The following DENND2A variants were observed in gnomAD, a reference collection of about 807,000 sequenced individuals.
DENND2A encodes the protein DENN domain containing 2A.
Under a neutral mutation model 105.3 loss-of-function variants are expected in DENND2A, and 53 were observed. The ratio of observed to expected loss-of-function variants is 0.50; its 90% confidence interval spans 0.40 to 0.63. The LOEUF is 0.63. Among genes scored for constraint, DENND2A ranks in the 30% least tolerant of loss-of-function variants. The pLI, the probability that DENND2A is intolerant of heterozygous loss-of-function variation, is 0.00. For synonymous variants in DENND2A, 522 were observed against 508.4 expected, an observed-to-expected ratio of 1.03 and a Z score of -0.36; for missense variants, 1,138 against 1,279.6, an observed-to-expected ratio of 0.89 and a Z score of 1.69.
At chr7:140,591,907 T>G (rs1423387978) in intron 3 of DENND2A, among the ~76,000 whole-genome samples, 3 of 102,236 alleles carry the variant, frequency 2.9e-5, no homozygotes, top group African/African-American at 1.2e-4. Context: ...TTTCTTCCTC[T>G]CTCTTTCTCC....
At chr7:140,594,267 GCC>G (rs762048200) in intron 3 of DENND2A, among the ~76,000 whole-genome samples, 2 of 151,724 alleles carry the variant, frequency 1.3e-5, no homozygotes, top group Non-Finnish European at 2.9e-5. Flanking sequence ...TTTTTCCATT[GCC>G]CTTAGGTAAT....
chr7:140,544,571 A>G, intron 14 of DENND2A, 47 bp downstream of exon 14: 2 of 1,613,180 alleles, frequency 1.2e-6, no homozygotes, highest in Non-Finnish European at 1.7e-6. Flanking sequence ...AGGGTCCAAG[A>G]GCGACTGTCA....
chr7:140,590,856 G>C (rs928191818), intron 3 of DENND2A, among the ~76,000 whole-genome samples: 5 of 148,548 alleles, frequency 3.4e-5, no homozygotes, highest in African/African-American at 1.3e-4. Flanking sequence ...CTGGGTGAGA[G>C]AGTGAGATCT....
Position 140,559,979 on chromosome 7 carries a change from TC to T in DENND2A, c.1780-163del, listed in dbSNP as rs925972975. On this transcript the variant is annotated intron_variant, in intron 9 of 19. Transcript: ENST00000496613. The surrounding 1 kb of genome is among the most constrained non-coding windows in gnomAD (Gnocchi z 4.1). The stretch of plus-strand genomic sequence containing the variant: ...TGCAGCTCAGTCGGCTGGGGCATTT[TC>T]CCCCCAGTGCACTTCCAACTATAGA... Among the ~76,000 whole-genome samples the T allele has an allele frequency of 2.6e-5, 4 of 152,040 alleles. 1 individual carries two copies. The highest frequency in any genetic ancestry group is 7.2e-5 in the African/African-American group (3 of 41,466).
rs114431160 is a variant in DENND2A, at chr7:140,522,616, T to G, written c.2666-516A>C. 9.4e-3 allele frequency among the ~76,000 whole-genome samples: 1,392 copies of G among 147,378 alleles called. 22 individuals carry two copies. The highest frequency in any genetic ancestry group is 0.034 in the African/African-American group (1,333 of 39,654). On this transcript the variant is annotated intron_variant, in intron 17 of 19. Coordinates refer to ENST00000496613, the MANE Select transcript of DENND2A (RefSeq NM_015689.5). Reference sequence around the variant, plus strand: ...GGGATGAGCCTCTGTGCCCAGCCTTTTATTTTTTTTGAGATAGAGTCTTGC... The same window carrying G: ...GGGATGAGCCTCTGTGCCCAGCCTTGTATTTTTTTTGAGATAGAGTCTTGC...
chr7:140,621,308 T>G (rs1270887860), intron 1 of DENND2A, among the ~76,000 whole-genome samples: 4 of 152,196 alleles, frequency 2.6e-5, no homozygotes, highest in Admixed American at 1.3e-4. Context: ...GTGCTAGGAT[T>G]ACAGATGTGA....
chr7:140,639,722 C>T (rs958397939), intron 1 of DENND2A, among the ~76,000 whole-genome samples: 5 of 152,236 alleles, frequency 3.3e-5, no homozygotes, highest in African/African-American at 1.2e-4. Flanking sequence ...TCCTGAATCG[C>T]ATCTGAACAG....
At chr7:140,555,381 C>T (rs564967383) in intron 12 of DENND2A, among the ~76,000 whole-genome samples, 4 of 151,860 alleles carry the variant, frequency 2.6e-5, no homozygotes, top group Non-Finnish European at 5.9e-5. Flanking sequence ...TCAAGTGATC[C>T]GCCCGCCTCA....
intron 9 of DENND2A, among the ~76,000 whole-genome samples, chr7:140,560,748 A>G (rs887912380): frequency 1.3e-5 from 2 of 152,126 alleles, no homozygotes; most frequent in African/African-American, 4.8e-5. Flanking sequence ...CCTGGCCAAC[A>G]TGGGGAGACC....
chr7:140,522,141 C>T, intron 17 of DENND2A, 41 bp from the exon 18 acceptor site: 2 of 1,607,828 alleles, frequency 1.2e-6, no homozygotes, highest in Non-Finnish European at 1.7e-6. Context: ...TGAGGGCAGA[C>T]AGGCTGGGCC....
At chr7:140,567,658 C>A (rs1393940907) in intron 8 of DENND2A, among the ~76,000 whole-genome samples, 1 of 152,068 alleles carries the variant, frequency 6.6e-6, no homozygotes, top group African/African-American at 2.4e-5. Flanking sequence ...GACAGTGACT[C>A]CTCCCCTCAC....
chr7:140,522,858 T>C (rs1010103055), intron 17 of DENND2A, among the ~76,000 whole-genome samples: 3 of 152,098 alleles, frequency 2.0e-5, no homozygotes, highest in Non-Finnish European at 4.4e-5. Flanking sequence ...TCCACCTGCC[T>C]CGGCCTCCCA....
rs151049000 is a variant in DENND2A, at chr7:140,636,069, A to G, written c.-248+4435T>C. On this transcript the variant is annotated intron_variant, in intron 1 of 19. Transcript: ENST00000496613. Reference sequence around the variant, plus strand: ...CTGAGTAACCAGCACAGGGAATTTCAAGAGAGTCTGGGGTACAAGTGGAGG... The same window carrying G: ...CTGAGTAACCAGCACAGGGAATTTCGAGAGAGTCTGGGGTACAAGTGGAGG... Among the ~76,000 whole-genome samples the G allele has an allele frequency of 2.3e-3, 350 of 152,212 alleles. 2 individuals are homozygous for G. The highest frequency in any genetic ancestry group is 4.2e-3 in the Admixed American group (64 of 15,268).
chr7:140,542,508 C>A (rs138163361), intron 14 of DENND2A, among the ~76,000 whole-genome samples: 1 of 151,950 alleles, frequency 6.6e-6, no homozygotes, highest in Non-Finnish European at 1.5e-5. Flanking sequence ...CTCCCTCCCC[C>A]ATCTTCCTCT....
intron 3 of DENND2A, among the ~76,000 whole-genome samples, chr7:140,593,501 T>C (rs1799149514): frequency 6.6e-6 from 1 of 152,254 alleles, no homozygotes; most frequent in Non-Finnish European, 1.5e-5. Context: ...TTGAATGTTC[T>C]TCATGACTTC....
chr7:140,640,996 G>A (rs1029839000), upstream of DENND2A, among the ~76,000 whole-genome samples: 1 of 148,936 alleles, frequency 6.7e-6, no homozygotes, highest in African/African-American at 2.5e-5. This position sits in a 1 kb window ranked among gnomAD's most constrained non-coding sequence, Gnocchi z 4.9. Context: ...GGGAGAGGTG[G>A]CTTAACCCTT....
In DENND2A at chr7:140,584,071, A is replaced by G. The variant is rs141297967; in HGVS notation, c.1245+1518T>C. 6.1e-3 allele frequency among the ~76,000 whole-genome samples: 898 copies of G among 147,022 alleles called. 93 individuals carry two copies. The highest frequency in any genetic ancestry group is 0.023 in the African/African-American group (853 of 37,844). ...AGCCTGGCCAACATGGTGAAACCCC[A>G]TCTCTACTAAAAGTACAAAAATTAG... On this transcript the variant is annotated intron_variant, in intron 5 of 19. Transcript: ENST00000496613.
chr7:140,584,485 T>C lies in DENND2A; in HGVS notation c.1245+1104A>G, dbSNP rs369454569. 5.3e-5 allele frequency among the ~76,000 whole-genome samples: 8 copies of C among 152,296 alleles called. No individual in the cohort carries two copies. In the East Asian group the frequency reaches 9.7e-4, roughly 18 times the overall value. On this transcript the variant is annotated intron_variant, in intron 5 of 19. Coordinates refer to ENST00000496613, the MANE Select transcript of DENND2A (RefSeq NM_015689.5). ...TCTGGATGGAAGGGGCATTTGTATGTAGGATCTATGGGAGATTAGGGGTAA... is the reference window on the plus strand; with the variant it reads ...TCTGGATGGAAGGGGCATTTGTATGCAGGATCTATGGGAGATTAGGGGTAA...
intron 12 of DENND2A, among the ~76,000 whole-genome samples, chr7:140,552,963 T>C (rs778340142): frequency 3.9e-5 from 6 of 152,140 alleles, no homozygotes; most frequent in Non-Finnish European, 7.4e-5. Flanking sequence ...GAAGGCTTTT[T>C]TATAGAAATG....
Sources: allele counts gnomAD v4.1 joint callset (sites outside exome capture counted in the v4.1 genomes callset), GRCh38; gene constraint gnomAD v4.1.1; non-coding constraint Gnocchi (gnomAD v3.1); transcripts MANE v1.5; gene names NCBI Gene and HGNC (gene_info 2026-07-23, HGNC 2026-07-21).